The following FAM217B variants were observed in gnomAD, a reference collection of about 807,000 sequenced individuals.
FAM217B encodes the protein family with sequence similarity 217 member B, also known as protein FAM217B.
For synonymous variants in FAM217B, 163 were observed against 173.0 expected (o/e 0.94, Z 0.45); for missense variants, 463 against 456.9 (o/e 1.01, Z -0.12).
At chr20:59,939,283 G>A, upstream of FAM217B, 1 of 1,611,916 alleles carries the variant, frequency 6.2e-7, no homozygotes, top group Non-Finnish European at 8.5e-7. Flanking sequence ...ACCGCCTCGT[G>A]GGTACTGCGC....
At chr20:59,940,053 C>A (rs937654683), upstream of FAM217B, 5 of 847,126 alleles carry the variant, frequency 5.9e-6, no homozygotes, top group Non-Finnish European at 6.4e-6. Context: ...CGGGGGACCT[C>A]TCGGGCCCGG....
At chr20:59,939,139 C>G (rs778759736), upstream of FAM217B, 9 of 1,603,496 alleles carry the variant, frequency 5.6e-6, no homozygotes, top group Admixed American at 1.7e-5. Context: ...TCCCAGTACT[C>G]GGCACCCGCC....
upstream of FAM217B, among the ~76,000 whole-genome samples, chr20:59,935,901 G>A (rs1159816363): frequency 6.6e-6 from 1 of 152,218 alleles, no homozygotes; most frequent in Non-Finnish European, 1.5e-5. Context: ...AGGTTTCAAT[G>A]TTCAATTTGT....
rs1763134283 is a variant in FAM217B, at chr20:59,948,242, CTT to C, written c.*3148_*3149del. The C allele has an allele frequency of 2.4e-5, 4 of 167,142 alleles. No homozygotes were observed. Among genetic ancestry groups the C allele is most frequent in the Admixed American group, 2.0e-4 (3 of 15,304 alleles). The allele number at this position is 167,142 out of a possible 1,614,324, so 10.4% of individuals were successfully genotyped here. ...TTGTAACTAACTTGAATAGGATAGA[CTT>C]CATACCCTGTGACAAAAAGGATGGG... On this transcript the variant is annotated 3_prime_UTR_variant, in exon 4 of 4. Transcript: ENST00000360816.
chr20:59,945,156 A>G lies in FAM217B; in HGVS notation c.*61A>G. ...ACCTCAATGTTAGAGCGCTTCCAAA[A>G]GTCAAAATACTGTGAATTTTAAGGA... On this transcript the variant is annotated 3_prime_UTR_variant, in exon 4 of 4. Coordinates refer to ENST00000360816, the MANE Select transcript of FAM217B (RefSeq NM_022106.3). 7.4e-7 allele frequency: 1 copy of G among 1,354,192 alleles called. No individual in the cohort carries two copies. Among genetic ancestry groups the G allele is most frequent in the Non-Finnish European group, 9.9e-7 (1 of 1,010,826 alleles). 83.9% of individuals were successfully genotyped at this position (1,354,192 alleles called of 1,614,324 possible). A position where few individuals can be genotyped will look rare whatever the true frequency, so the allele number is the denominator to read the frequency against.
chr20:59,937,666 G>GT (rs544890202), upstream of FAM217B: 8,633 of 143,072 alleles, frequency 0.06, 768 homozygotes, highest in African/African-American at 0.19. Context: ...CTTCCTGGCT[G>GT]TTTTTTTTTT....
At chr20:59,939,772 T>A (rs1319338211), upstream of FAM217B, 2 of 1,222,916 alleles carry the variant, frequency 1.6e-6, no homozygotes, top group Admixed American at 8.6e-5. Context: ...GGCGCTGGCG[T>A]TGGCGGCGGC....
In FAM217B at chr20:59,944,269, C is replaced by T. The variant is rs1461490244; in HGVS notation, c.326C>T (p.Pro109Leu). Residue 109 changes from proline to leucine, a missense_variant, in exon 4 of 4, where the codon CCC becomes CTC. Pro to Leu is a moderately conservative substitution (Grantham distance 98). Transcript: ENST00000360816. ...GAAAGAATTCCCATTCCTCCTTCTC[C>T]CCTCACACCTCCAGATCTCAATCTT... Reference protein sequence around the residue: ...DSERIPIPPSPLTPPDLNLRA... With the variant: ...DSERIPIPPSLLTPPDLNLRA... 1 of 1,613,990 alleles carries T rather than the reference C, an allele frequency of 6.2e-7. No individual in the cohort carries two copies. Among genetic ancestry groups the T allele is most frequent in the Admixed American group, 1.7e-5 (1 of 60,004 alleles).
chr20:59,938,951 A>G, upstream of FAM217B: 1 of 1,356,000 alleles, frequency 7.4e-7, no homozygotes, highest in Non-Finnish European at 9.7e-7. Context: ...GAACAACCAG[A>G]TAGATGTGAG....
upstream of FAM217B, chr20:59,936,578 C>T (rs920741578): frequency 1.3e-5 from 2 of 152,184 alleles, no homozygotes; most frequent in African/African-American, 2.4e-5. Context: ...TCCCCTAGAG[C>T]TTTCTTCATA....
chr20:59,941,784 A>G (rs2060906950), intron 1 of FAM217B, among the ~76,000 whole-genome samples: 1 of 152,194 alleles, frequency 6.6e-6, no homozygotes, highest in African/African-American at 2.4e-5. Flanking sequence ...TCCTGTAATT[A>G]TTTGTTGCAT....
In FAM217B at chr20:59,945,620, C is replaced by T. The variant is rs2060932958; in HGVS notation, c.*525C>T. On this transcript the variant is annotated 3_prime_UTR_variant, in exon 4 of 4. Transcript: ENST00000360816. ...ACCCTTAGGAGAAGCTTTAGTTCTT[C>T]CTCAAGTCAGGGAGTAGTGAGTTTG... is the stretch of plus-strand genomic sequence containing the variant. 6.0e-6 allele frequency: 1 copy of T among 167,722 alleles called. No individual in the cohort carries two copies. The allele number at this position is 167,722 out of a possible 1,614,324, so 10.4% of individuals were successfully genotyped here. A position where few individuals can be genotyped will look rare whatever the true frequency, so the allele number is the denominator to read the frequency against.
Position 59,946,055 on chromosome 20 carries a change from G to A in FAM217B, c.*960G>A, listed in dbSNP as rs1341279743. On this transcript the variant is annotated 3_prime_UTR_variant, in exon 4 of 4. Coordinates refer to ENST00000360816, the MANE Select transcript of FAM217B (RefSeq NM_022106.3). ...TACTGATTTGGGTTCCACACCCTGT[G>A]GTCCTTAGTCAAAAATAATGATCTG... is the stretch of plus-strand genomic sequence containing the variant. The A allele has an allele frequency of 6.0e-6, 1 of 167,018 alleles. No homozygotes were observed. Among genetic ancestry groups the A allele is most frequent in the Non-Finnish European group, 1.5e-5 (1 of 68,102 alleles). The allele number at this position is 167,018 out of a possible 1,614,324, so 10.3% of individuals were successfully genotyped here. A position where few individuals can be genotyped will look rare whatever the true frequency, so the allele number is the denominator to read the frequency against.
intron 1 of FAM217B, among the ~76,000 whole-genome samples, chr20:59,941,272 G>A (rs935510407): frequency 6.6e-6 from 1 of 152,214 alleles, no homozygotes; most frequent in African/African-American, 2.4e-5. Flanking sequence ...AAAGCAGAAA[G>A]AAAACCAGAC....
chr20:59,943,634 G>A (rs1240288696), intron 3 of FAM217B, among the ~76,000 whole-genome samples: 2 of 151,900 alleles, frequency 1.3e-5, no homozygotes, highest in African/African-American at 4.8e-5. Context: ...ACACACGAAA[G>A]TATGAAACAA....
Position 59,944,999 on chromosome 20 carries a change from A to G in FAM217B, c.1056A>G (p.Lys352=). 6.2e-7 allele frequency: 1 copy of G among 1,614,184 alleles called. No individual in the cohort carries two copies. The highest frequency in any genetic ancestry group is 8.5e-7 in the Non-Finnish European group (1 of 1,180,026). ...SKTQAHAHPR[K]KGKAESCGHA... is the part of the protein sequence containing the mutation. ...CACAAGCACATGCACATCCTAGGAAAAAGGGAAAGGCAGAGAGCTGTGGTC... is the reference window on the plus strand; with the variant it reads ...CACAAGCACATGCACATCCTAGGAAGAAGGGAAAGGCAGAGAGCTGTGGTC... Residue 352 remains lysine (K), a synonymous_variant, in exon 4 of 4, where the codon AAA becomes AAG. Transcript: ENST00000360816.
upstream of FAM217B, chr20:59,936,897 ATGTT>A (rs556542519): frequency 2.0e-3 from 302 of 152,648 alleles, no homozygotes; most frequent in Non-Finnish European, 3.6e-3. Context: ...ATATTAAAAT[ATGTT>A]TGGGGGGACA....
At chr20:59,941,007 A>G (rs1024237823) in intron 1 of FAM217B, among the ~76,000 whole-genome samples, 2 of 152,228 alleles carry the variant, frequency 1.3e-5, no homozygotes, top group Non-Finnish European at 2.9e-5. Flanking sequence ...ATTTGTAGCC[A>G]GAATCTCCGA....
At chr20:59,940,069 C>T, upstream of FAM217B, 1 of 681,588 alleles carries the variant, frequency 1.5e-6, no homozygotes, top group Non-Finnish European at 2.1e-6. Context: ...CCCGGTGCGC[C>T]CTACCCTTGG....
Sources: gnomAD v4.1 joint callset for allele counts (sites outside exome capture counted in the v4.1 genomes callset) on GRCh38, gnomAD v4.1.1 for gene constraint, MANE v1.5 for transcripts, NCBI Gene and HGNC (gene_info 2026-07-23, HGNC 2026-07-21) for gene names.